Variants in RIC3 observed in about 807,000 individuals in gnomAD.
RIC3 encodes the protein RIC3 acetylcholine receptor chaperone.
RIC3 carries 28 observed loss-of-function variants against 27.3 expected under a neutral mutation model. That is an observed-to-expected ratio of 1.02 (90% confidence interval 0.76 to 1.41). The LOEUF (loss-of-function observed/expected upper bound fraction) is 1.41. RIC3 is among the 40% of genes most tolerant of loss of function. RIC3 has a pLI of 0.00. For missense variants in RIC3, 501 were observed against 444.7 expected, an observed-to-expected ratio of 1.13 and a Z score of -1.14; for synonymous variants, 184 against 160.4, an observed-to-expected ratio of 1.15 and a Z score of -1.11.
chr11:8,122,009 G>A (rs950000398), intron 5 of RIC3, among the ~76,000 whole-genome samples: 3 of 152,072 alleles, frequency 2.0e-5, no homozygotes, highest in African/African-American at 7.3e-5. Context: ...TGGGAGGATC[G>A]CCTGAGTCCC....
Position 8,168,873 on chromosome 11 carries a change from TGTC to T in RIC3, c.114_116del (p.Thr39del), listed in dbSNP as rs748049758. 1 of 1,611,362 alleles carries T rather than the reference TGTC, an allele frequency of 6.2e-7. No individual in the cohort carries two copies. Among genetic ancestry groups the T allele is most frequent in the Admixed American group, 1.7e-5 (1 of 59,710 alleles). ...GAGCTGGCCTGCTCTTACCTTCAGG[TGTC>T]GGCGGCGGCTCCTGCCGCTTCCCGC... is the stretch of plus-strand genomic sequence containing the variant. On this transcript the variant is annotated inframe_deletion, in exon 1 of 6. Coordinates refer to ENST00000309737, the MANE Select transcript of RIC3 (RefSeq NM_001206671.4).
chr11:8,102,531 T>G (rs1213760583), downstream of RIC3: 1 of 152,222 alleles, frequency 6.6e-6, no homozygotes, highest in Non-Finnish European at 1.5e-5. Flanking sequence ...TGCACACAGC[T>G]AGGCATGCCT....
intron 5 of RIC3, among the ~76,000 whole-genome samples, chr11:8,124,794 G>T (rs935450910): frequency 6.6e-6 from 1 of 152,122 alleles, no homozygotes; most frequent in Non-Finnish European, 1.5e-5. Context: ...GAACAATTGG[G>T]TATTTGATAT....
At chr11:8,139,260 A>G (rs2133896256) in intron 2 of RIC3, 1 of 152,590 alleles carries the variant, frequency 6.6e-6, no homozygotes, top group East Asian at 1.9e-4. Flanking sequence ...GAAAGAACTC[A>G]TCTTATTTAA....
intron 1 of RIC3, among the ~76,000 whole-genome samples, chr11:8,167,640 T>TAA (rs34530108): frequency 0.046 from 6,213 of 134,062 alleles, 169 homozygotes; most frequent in South Asian, 0.099. Context: ...TAATGGAAAG[T>TAA]AAAAAAAAAA....
At chr11:8,113,196 C>T (rs1389276769) in intron 5 of RIC3, among the ~76,000 whole-genome samples, 1 of 152,236 alleles carries the variant, frequency 6.6e-6, no homozygotes, top group Non-Finnish European at 1.5e-5. Context: ...TGCTAGTCAG[C>T]TCCCAGCCAC....
At chr11:8,100,822 C>T in the RIC3 span, 5 of 1,613,516 alleles carry the variant, frequency 3.1e-6, no homozygotes, top group Non-Finnish European at 3.4e-6. Context: ...GGCTGCCCTC[C>T]CAGGAGCATG....
rs59468221 is a variant in RIC3 at position 8,110,184 on chromosome 11, T to C, written c.*514A>G. 2 of 194,626 alleles carry C rather than the reference T, an allele frequency of 1.0e-5. No homozygotes were observed. The highest frequency in any genetic ancestry group is 4.7e-5 in the African/African-American group (2 of 42,388). 12.1% of individuals were successfully genotyped at this position (194,626 alleles called of 1,614,324 possible). On this transcript the variant is annotated 3_prime_UTR_variant, in exon 6 of 6. Coordinates refer to ENST00000309737, the MANE Select transcript of RIC3 (RefSeq NM_001206671.4). ...AGAGGCTTCAGCTTAGACAGCAGAG[T>C]CTTACCCTCCTCTGGGCCCATTAGC... is the stretch of plus-strand genomic sequence containing the variant.
chr11:8,127,444 A>ACC (rs1319817575), intron 4 of RIC3, among the ~76,000 whole-genome samples: 1 of 152,204 alleles, frequency 6.6e-6, no homozygotes, highest in Non-Finnish European at 1.5e-5. Flanking sequence ...AACTAAAACC[A>ACC]CCCAGGCTTC....
At chr11:8,135,205 A>G (rs1317157075) in intron 4 of RIC3, among the ~76,000 whole-genome samples, 2 of 152,220 alleles carry the variant, frequency 1.3e-5, no homozygotes, top group Non-Finnish European at 2.9e-5. Flanking sequence ...ACATATGGCT[A>G]GCCAGTTTTC....
chr11:8,168,140 G>C (rs185983968), intron 1 of RIC3, among the ~76,000 whole-genome samples: 1 of 152,172 alleles, frequency 6.6e-6, no homozygotes, highest in East Asian at 1.9e-4. Context: ...AAACTGTTCT[G>C]GTTCCTTCTC....
intron 5 of RIC3, among the ~76,000 whole-genome samples, chr11:8,125,396 T>G (rs1197140202): frequency 6.6e-6 from 1 of 152,128 alleles, no homozygotes; most frequent in African/African-American, 2.4e-5. Context: ...ACAGAAATGA[T>G]AAAGAATTTG....
chr11:8,147,184 G>A (rs555372847), intron 1 of RIC3, among the ~76,000 whole-genome samples: 4 of 152,148 alleles, frequency 2.6e-5, no homozygotes, highest in South Asian at 4.2e-4. Flanking sequence ...AAGTTATCCC[G>A]CCTTTCCAGA....
At chr11:8,113,058 G>T (rs1945446579) in intron 5 of RIC3, among the ~76,000 whole-genome samples, 1 of 152,178 alleles carries the variant, frequency 6.6e-6, no homozygotes, top group Non-Finnish European at 1.5e-5. Context: ...AGTATGTTAA[G>T]AATTTTGCCA....
intron 4 of RIC3, among the ~76,000 whole-genome samples, chr11:8,130,994 T>C (rs1947619909): frequency 1.3e-5 from 2 of 151,938 alleles, no homozygotes; most frequent in African/African-American, 4.8e-5. Context: ...TGTTGAAGGA[T>C]TAAAACAAAA....
At chr11:8,149,024 C>CAAAA (rs34536745) in intron 1 of RIC3, among the ~76,000 whole-genome samples, 62 of 96,158 alleles carry the variant, frequency 6.4e-4, no homozygotes, top group African/African-American at 2.1e-3. Flanking sequence ...ACTAAAAATA[C>CAAAA]AAAAAAAAAA....
At position 8,168,962 on chromosome 11, in the gene RIC3, C is replaced by T. The variant is rs993247315; in HGVS notation, c.28G>A (p.Ala10Thr). The T allele has an allele frequency of 6.2e-7, 1 of 1,608,928 alleles. No individual in the cohort carries two copies. The highest frequency in any genetic ancestry group is 1.3e-5 in the African/African-American group (1 of 74,322). The part of the protein sequence containing the change: MAYSTVQRV[A>T]LASGLVLALS... ...GCCAGGACAAGCCCAGAAGCCAGAG[C>T]GACTCTCTGCACTGTGGAGTACGCC... The change falls in exon 1 of 6, where the codon GCT (alanine) becomes ACT (threonine). Residue 10 changes from alanine (A) to threonine (T), a missense_variant. By Grantham distance (58) the Ala-to-Thr change is moderately conservative (BLOSUM62 0). Transcript: ENST00000309737.
intron 4 of RIC3, among the ~76,000 whole-genome samples, 195 bp downstream of exon 4, chr11:8,137,183 C>T (rs1438605795): frequency 6.6e-6 from 1 of 152,134 alleles, no homozygotes; most frequent in African/African-American, 2.4e-5. Flanking sequence ...CACCACCACA[C>T]CTGGCTAATT....
intron 5 of RIC3, among the ~76,000 whole-genome samples, chr11:8,123,648 A>T (rs1261924686): frequency 6.6e-6 from 1 of 152,142 alleles, no homozygotes; most frequent in East Asian, 1.9e-4. Flanking sequence ...AAATTCCTTG[A>T]AAGATACAAA....
Sources: allele counts gnomAD v4.1 joint callset (sites outside exome capture counted in the v4.1 genomes callset), GRCh38; gene constraint gnomAD v4.1.1; transcripts MANE v1.5; gene names NCBI Gene and HGNC (gene_info 2026-07-23, HGNC 2026-07-21).